Variants in BRMS1 observed in about 807,000 individuals in gnomAD.
BRMS1 encodes the protein BRMS1 transcriptional repressor and anoikis regulator.
A neutral mutation model predicts 40.4 loss-of-function variants in BRMS1; 26 were observed. The ratio of observed to expected loss-of-function variants is 0.64; its 90% CI spans 0.47 to 0.89. BRMS1 has a LOEUF of 0.89. Among genes scored for constraint, BRMS1 ranks in the 40% least tolerant of loss-of-function variants. BRMS1 has a pLI of 0.00. For missense variants in BRMS1, 289 were observed against 309.4 expected, an observed-to-expected ratio of 0.93 and a Z score of 0.49; for synonymous variants, 103 against 116.0, an observed-to-expected ratio of 0.89 and a Z score of 0.72.
In BRMS1 at chr11:66,341,308, G is replaced by C; in HGVS notation, c.256C>G (p.Leu86Val). The C allele has an allele frequency of 6.2e-7, 1 of 1,613,454 alleles. No homozygotes were observed. Among genetic ancestry groups the C allele is most frequent in the Non-Finnish European group, 8.5e-7 (1 of 1,179,478 alleles). Residue 86 changes from leucine (L) to valine (V), a missense_variant, in exon 4 of 10, where the codon CTG (leucine) becomes GTG (valine). Coordinates refer to ENST00000359957, the MANE Select transcript of BRMS1 (RefSeq NM_015399.4). This position sits in a 1 kb window ranked among gnomAD's most constrained non-coding sequence, Gnocchi z 4.9. ...CCCACTTCCTCCAGCCGCAACCGCAGCTGACTCAGTCGTTCCCTGAACAAC... is the reference window on the plus strand; with the variant it reads ...CCCACTTCCTCCAGCCGCAACCGCACCTGACTCAGTCGTTCCCTGAACAAC... ...EKLFRERLSQ[L>V]RLRLEEVGAE... is the part of the protein sequence containing the mutation.
Position 66,341,065 on chromosome 11 carries a change from G to C in BRMS1, c.359-19C>G. 1 of 1,613,172 alleles carries C rather than the reference G, an allele frequency of 6.2e-7. No individual in the cohort carries two copies. Among genetic ancestry groups the C allele is most frequent in the Non-Finnish European group, 8.5e-7 (1 of 1,179,716 alleles). ...TAGATCCCTGCAGAGAAAGGGAGGAGGGTCCCTGCTTGGCTGGGGAGCCCG... is the reference window on the plus strand; with the variant it reads ...TAGATCCCTGCAGAGAAAGGGAGGACGGTCCCTGCTTGGCTGGGGAGCCCG... On this transcript the variant is annotated intron_variant, in intron 4 of 9. Coordinates refer to ENST00000359957, the MANE Select transcript of BRMS1 (RefSeq NM_015399.4). The surrounding 1 kb of genome is among the most constrained non-coding windows in gnomAD (Gnocchi z 4.9).
At chr11:66,340,907 G>A (rs767445886) in intron 5 of BRMS1, 37 bp from the exon 6 acceptor site, 1 of 1,613,450 alleles carries the variant, frequency 6.2e-7, no homozygotes, top group Non-Finnish European at 8.5e-7. Flanking sequence ...GGACGGATGG[G>A]GTGAGGCCAC....
chr11:66,337,926 T>G (rs1441649749), intron 9 of BRMS1, 37 bp from the exon 10 acceptor site: 1 of 1,591,006 alleles, frequency 6.3e-7, no homozygotes, highest in Non-Finnish European at 8.6e-7. Flanking sequence ...TGTCACCAGT[T>G]AGGAAGCTGA....
intron 7 of BRMS1, 30 bp downstream of exon 7, chr11:66,340,091 A>C (rs760151985): frequency 6.2e-7 from 1 of 1,605,716 alleles, no homozygotes; most frequent in South Asian, 1.1e-5. Context: ...CATCCTGCCC[A>C]CTTTTAGGCC....
At chr11:66,339,205 C>T (rs1039734319) in intron 7 of BRMS1, among the ~76,000 whole-genome samples, 3 of 152,202 alleles carry the variant, frequency 2.0e-5, no homozygotes, top group Non-Finnish European at 2.9e-5. Context: ...CATGGCCTTC[C>T]AGATTCCTCC....
intron 9 of BRMS1, among the ~76,000 whole-genome samples, 174 bp downstream of exon 9, chr11:66,338,069 G>A (rs988102761): frequency 2.6e-5 from 4 of 152,170 alleles, no homozygotes; most frequent in African/African-American, 9.7e-5. Context: ...GCCCCATCCT[G>A]GTTCCTGCTC....
chr11:66,341,480 A>C lies in BRMS1; in HGVS notation c.230+53T>G. 6.2e-7 allele frequency: 1 copy of C among 1,605,604 alleles called. No homozygotes were observed. The highest frequency in any genetic ancestry group is 8.5e-7 in the Non-Finnish European group (1 of 1,173,084). ...ACGCCTGCCCAGTACCAGGCCCACC[A>C]CCTCCTCATCCCAGATCCTCGCAGA... On this transcript the variant is annotated intron_variant, in intron 3 of 9. Transcript: ENST00000359957. The surrounding 1 kb of genome is among the most constrained non-coding windows in gnomAD (Gnocchi z 4.9).
Position 66,337,829 on chromosome 11 carries a change from C to T in BRMS1, c.*53G>A, listed in dbSNP as rs747178716. On this transcript the variant is annotated 3_prime_UTR_variant, in exon 10 of 10. Coordinates refer to ENST00000359957, the MANE Select transcript of BRMS1 (RefSeq NM_015399.4). ...CTGTCTGCAGGAGGAAGACGAGAAT[C>T]CTGGGTGCAGTGCCAGCTGCTCTGA... is the stretch of plus-strand genomic sequence containing the variant. The T allele has an allele frequency of 6.2e-7, 1 of 1,614,092 alleles. No individual in the cohort carries two copies. Among genetic ancestry groups the T allele is most frequent in the African/African-American group, 1.3e-5 (1 of 74,942 alleles).
chr11:66,342,054 C>CTG (rs764305179), intron 2 of BRMS1, 42 bp downstream of exon 2: 65 of 567,714 alleles, frequency 1.1e-4, no homozygotes, highest in Non-Finnish European at 1.7e-4. Flanking sequence ...TGTGTAGGGG[C>CTG]TCTGTGTGTG....
chr11:66,342,352 A>T, intron 1 of BRMS1, 111 bp from the exon 2 acceptor site: 1 of 1,417,886 alleles, frequency 7.1e-7, no homozygotes, highest in Non-Finnish European at 9.6e-7. Context: ...CCAGGGAAGT[A>T]ACTGGCCTGG....
chr11:66,340,545 T>C (rs1387945144), intron 6 of BRMS1, among the ~76,000 whole-genome samples: 1 of 152,202 alleles, frequency 6.6e-6, no homozygotes, highest in Non-Finnish European at 1.5e-5. Context: ...GTCACACTGA[T>C]ACCTGTTTTG....
chr11:66,341,709 GTGCA>G lies in BRMS1; in HGVS notation c.140-90_140-87del. 1 of 1,093,636 alleles carries G rather than the reference GTGCA, an allele frequency of 9.1e-7. No individual in the cohort carries two copies. Among genetic ancestry groups the G allele is most frequent in the Non-Finnish European group, 1.4e-6 (1 of 712,108 alleles). The allele number at this position is 1,093,636 out of a possible 1,614,324, so 67.7% of individuals were successfully genotyped here. On this transcript the variant is annotated intron_variant, in intron 2 of 9. Transcript: ENST00000359957. This position sits in a 1 kb window ranked among gnomAD's most constrained non-coding sequence, Gnocchi z 4.9. ...GCATGTGCGTCCTGCATGTGTGTGTGTGCATGCATGCCTGTGTGTAGGGCCTGTG... is the reference window on the plus strand; with the variant it reads ...GCATGTGCGTCCTGCATGTGTGTGTGTGCATGCCTGTGTGTAGGGCCTGTG...
intron 6 of BRMS1, among the ~76,000 whole-genome samples, 161 bp from the exon 7 acceptor site, chr11:66,340,374 C>A (rs576880335): frequency 1.3e-3 from 204 of 152,270 alleles, no homozygotes; most frequent in Non-Finnish European, 2.3e-3. Context: ...CAGGTCCTGC[C>A]TGCACAGCTG....
At chr11:66,342,395 T>A (rs1319313568) in intron 1 of BRMS1, among the ~76,000 whole-genome samples, 154 bp from the exon 2 acceptor site, 1 of 151,844 alleles carries the variant, frequency 6.6e-6, no homozygotes. Context: ...GTGACAAGGG[T>A]GCAAATGGCC....
Position 66,341,383 on chromosome 11 carries a change from T to G in BRMS1, c.231-50A>C. 6.2e-7 allele frequency: 1 copy of G among 1,603,532 alleles called. No individual in the cohort carries two copies. Among genetic ancestry groups the G allele is most frequent in the Non-Finnish European group, 8.5e-7 (1 of 1,171,922 alleles). ...CACCCATTTGCTCACCCATCGCTCT[T>G]GGGCAAACACATACCCAGCACCCAT... On this transcript the variant is annotated intron_variant, in intron 3 of 9. Coordinates refer to ENST00000359957, the MANE Select transcript of BRMS1 (RefSeq NM_015399.4). This position sits in a 1 kb window ranked among gnomAD's most constrained non-coding sequence, Gnocchi z 4.9.
chr11:66,341,384 G>A lies in BRMS1; in HGVS notation c.231-51C>T. 1 of 1,603,080 alleles carries A rather than the reference G, an allele frequency of 6.2e-7. No individual in the cohort carries two copies. Among genetic ancestry groups the A allele is most frequent in the South Asian group, 1.1e-5 (1 of 90,612 alleles). On this transcript the variant is annotated intron_variant, in intron 3 of 9. Coordinates refer to ENST00000359957, the MANE Select transcript of BRMS1 (RefSeq NM_015399.4). This position sits in a 1 kb window ranked among gnomAD's most constrained non-coding sequence, Gnocchi z 4.9. ...ACCCATTTGCTCACCCATCGCTCTT[G>A]GGCAAACACATACCCAGCACCCATT...
chr11:66,341,867 G>A lies in BRMS1; in HGVS notation c.139+229C>T. ...TGTGTGCACGTGTACTTGTGTGAAG[G>A]GGCTGTGTGTGTGCATACGTGCTTG... On this transcript the variant is annotated intron_variant, in intron 2 of 9. Coordinates refer to ENST00000359957, the MANE Select transcript of BRMS1 (RefSeq NM_015399.4). This position sits in a 1 kb window ranked among gnomAD's most constrained non-coding sequence, Gnocchi z 4.9. 1 of 662,656 alleles carries A rather than the reference G, an allele frequency of 1.5e-6. No individual in the cohort carries two copies. The highest frequency in any genetic ancestry group is 1.8e-5 in the South Asian group (1 of 57,082). The allele number at this position is 662,656 out of a possible 1,614,324, so 41.0% of individuals were successfully genotyped here.
intron 6 of BRMS1, among the ~76,000 whole-genome samples, chr11:66,340,539 C>G (rs995743542): frequency 6.6e-6 from 1 of 152,186 alleles, no homozygotes; most frequent in Admixed American, 6.5e-5. Flanking sequence ...CTGCATGTCA[C>G]ACTGATACCT....
intron 7 of BRMS1, 46 bp from the exon 8 acceptor site, chr11:66,338,831 G>C: frequency 1.3e-6 from 2 of 1,506,216 alleles, no homozygotes; most frequent in Non-Finnish European, 1.8e-6. Flanking sequence ...CAGGTGACGA[G>C]GGCAGGGCCA....
Sources: allele counts gnomAD v4.1 joint callset (sites outside exome capture counted in the v4.1 genomes callset), GRCh38; gene constraint gnomAD v4.1.1; non-coding constraint Gnocchi (gnomAD v3.1); transcripts MANE v1.5; gene names NCBI Gene and HGNC (gene_info 2026-07-23, HGNC 2026-07-21).